The following EPHA6 variants were observed in gnomAD, a reference collection of about 807,000 sequenced individuals.
EPHA6 encodes the protein ephrin type-A receptor 6.
Under a neutral mutation model 112.0 loss-of-function variants are expected in EPHA6, and 50 were observed. That is an observed-to-expected ratio of 0.45 (90% confidence interval 0.36 to 0.56). The LOEUF (loss-of-function observed/expected upper bound fraction) is 0.56. EPHA6 is among the 20% of genes least tolerant of loss of function. The pLI is 0.00. For missense variants in EPHA6, 1,280 were observed against 1,417.4 expected (o/e 0.90, Z 1.56); for synonymous variants, 529 against 490.7 (o/e 1.08, Z -1.03).
intron 3 of EPHA6, chr3:96,994,083 G>T (rs1046777160): frequency 3.3e-5 from 7 of 213,248 alleles, no homozygotes; most frequent in Admixed American, 1.7e-4. Flanking sequence ...TATTGTTAAG[G>T]CTTACCTGTA....
intron 10 of EPHA6, among the ~76,000 whole-genome samples, chr3:97,485,931 A>G (rs1403033362): frequency 1.3e-5 from 2 of 152,230 alleles, no homozygotes; most frequent in Admixed American, 1.3e-4. Flanking sequence ...AGCATAACAA[A>G]ATGCCAGTGT....
At chr3:96,829,947 G>GCACACACACA (rs1349079216) in intron 1 of EPHA6, among the ~76,000 whole-genome samples, 3 of 70,460 alleles carry the variant, frequency 4.3e-5, no homozygotes, top group Admixed American at 1.7e-4. Flanking sequence ...GTGCGCGCGC[G>GCACACACACA]CGCACACACA....
chr3:97,271,067 GTAATGAGTGATCAAGGACTAAATTGAC>G (rs1158221565), intron 5 of EPHA6, among the ~76,000 whole-genome samples: 4 of 152,162 alleles, frequency 2.6e-5, no homozygotes, highest in Non-Finnish European at 5.9e-5. Flanking sequence ...CAATTAGAGG[GTAATGAGTGATCAAGGACTAAATTGAC>G]TAATATAATT....
At chr3:96,914,549 GC>G (rs2039392482) in intron 2 of EPHA6, among the ~76,000 whole-genome samples, 1 of 152,132 alleles carries the variant, frequency 6.6e-6, no homozygotes, top group Admixed American at 6.6e-5. Context: ...TAGAGACGAA[GC>G]GTTCCGAATA....
chr3:97,232,470 A>G (rs2078557554), intron 4 of EPHA6, among the ~76,000 whole-genome samples: 2 of 151,386 alleles, frequency 1.3e-5, no homozygotes, highest in Admixed American at 6.6e-5. Context: ...CAATAATGAT[A>G]ATAATATACT....
At chr3:96,888,590 T>C (rs968632672) in intron 2 of EPHA6, among the ~76,000 whole-genome samples, 51 of 152,290 alleles carry the variant, frequency 3.3e-4, no homozygotes, top group African/African-American at 1.2e-3. Context: ...GAGCTCTATG[T>C]TGAACTCTTT....
chr3:97,502,167 CTTT>C (rs773321621), intron 10 of EPHA6, among the ~76,000 whole-genome samples: 4 of 124,318 alleles, frequency 3.2e-5, no homozygotes, highest in Admixed American at 8.1e-5. Context: ...TAACTACCTG[CTTT>C]TTTTTTTTTT....
chr3:97,422,137 CAAAAAA>C (rs34312259), intron 6 of EPHA6, among the ~76,000 whole-genome samples: 33 of 103,416 alleles, frequency 3.2e-4, no homozygotes, highest in African/African-American at 1.0e-3. Context: ...AATAGTCTCT[CAAAAAA>C]AAAAAAAAAA....
At chr3:97,492,672 A>G (rs2091879041) in intron 10 of EPHA6, among the ~76,000 whole-genome samples, 1 of 151,126 alleles carries the variant, frequency 6.6e-6, no homozygotes, top group Non-Finnish European at 1.5e-5. Context: ...GGAGGAAAGA[A>G]AGGACAAGAT....
chr3:96,863,783 T>C (rs937556374), intron 1 of EPHA6, among the ~76,000 whole-genome samples: 2 of 152,118 alleles, frequency 1.3e-5, no homozygotes, highest in Admixed American at 1.3e-4. Context: ...TCATAATTCC[T>C]ATATAAAACT....
At chr3:97,530,388 CTT>C (rs1033371106) in intron 10 of EPHA6, among the ~76,000 whole-genome samples, 5 of 151,956 alleles carry the variant, frequency 3.3e-5, no homozygotes, top group African/African-American at 9.7e-5. Flanking sequence ...AAAGGAATAA[CTT>C]AGCGCAGATA....
chr3:97,507,590 T>C lies in EPHA6; in HGVS notation c.2200+23531T>C, dbSNP rs144601605. Among the ~76,000 whole-genome samples, 562 of 152,330 alleles carry C rather than the reference T, an allele frequency of 3.7e-3. 1 individual carries two copies. The highest frequency in any genetic ancestry group is 0.013 in the African/African-American group (525 of 41,574). On this transcript the variant is annotated intron_variant, in intron 10 of 17. Transcript: ENST00000389672. The stretch of plus-strand genomic sequence containing the variant: ...CAGTATTTTATTGAGGATTTTTGCA[T>C]TGATGTTCATCAGGGATATTGGTCT...
At chr3:97,077,763 T>C (rs552287163) in intron 3 of EPHA6, among the ~76,000 whole-genome samples, 8 of 152,288 alleles carry the variant, frequency 5.3e-5, no homozygotes, top group African/African-American at 1.9e-4. Flanking sequence ...ATGGTGTGTA[T>C]GTGCCACATT....
chr3:97,509,720 T>A (rs1266749072), intron 10 of EPHA6, among the ~76,000 whole-genome samples: 1 of 152,214 alleles, frequency 6.6e-6, no homozygotes, highest in Non-Finnish European at 1.5e-5. Context: ...TTCCTGAATT[T>A]GAATTTTGTC....
intron 15 of EPHA6, among the ~76,000 whole-genome samples, chr3:97,720,811 A>C (rs1015370176): frequency 1.3e-5 from 2 of 152,220 alleles, no homozygotes; most frequent in African/African-American, 2.4e-5. Flanking sequence ...ACTTAGAGGG[A>C]AAAAAGTGAA....
intron 14 of EPHA6, among the ~76,000 whole-genome samples, chr3:97,673,591 T>C (rs556844878): frequency 1.8e-4 from 28 of 152,322 alleles, no homozygotes; most frequent in African/African-American, 5.5e-4. Flanking sequence ...CTGAGTCATA[T>C]GTAAGAGCAG....
At chr3:97,259,865 A>G (rs536823283) in intron 5 of EPHA6, among the ~76,000 whole-genome samples, 4 of 151,670 alleles carry the variant, frequency 2.6e-5, no homozygotes, top group Admixed American at 6.6e-5. Flanking sequence ...CAGTGGCACA[A>G]TCTCAGCTCA....
intron 6 of EPHA6, among the ~76,000 whole-genome samples, chr3:97,431,068 G>T (rs115446249): frequency 0.015 from 2,266 of 151,974 alleles, 50 homozygotes; most frequent in African/African-American, 0.051. Flanking sequence ...TTAACCTAAG[G>T]GTTCTAATAT....
chr3:96,948,251 T>C (rs1483119410), intron 2 of EPHA6, among the ~76,000 whole-genome samples: 1 of 152,204 alleles, frequency 6.6e-6, no homozygotes, highest in Non-Finnish European at 1.5e-5. Flanking sequence ...TCATATATAC[T>C]TTATTTGCTT....
Sources: gnomAD v4.1 joint callset for allele counts (sites outside exome capture counted in the v4.1 genomes callset) on GRCh38, gnomAD v4.1.1 for gene constraint, MANE v1.5 for transcripts, NCBI Gene and HGNC (gene_info 2026-07-23, HGNC 2026-07-21) for gene names.